CENPC: variants seen among roughly 807,000 people sequenced by gnomAD.
CENPC encodes CENP-C 1.
In CENPC, 63 loss-of-function variants were observed where a neutral mutation model predicts 112.1. That is an observed-to-expected ratio of 0.56 (90% CI 0.46 to 0.69). The LOEUF is 0.69. Ranked by LOEUF, CENPC falls within the 30% of genes least tolerant of loss-of-function variation. The pLI, the probability that CENPC is intolerant of heterozygous loss-of-function variation, is 0.00. For missense variants in CENPC, 1,000 were observed against 1,103.8 expected (o/e 0.91, Z 1.33); for synonymous variants, 333 against 367.6 (o/e 0.91, Z 1.08).
At chr4:67,527,803 A>C (rs1280637209) in intron 5 of CENPC, among the ~76,000 whole-genome samples, 1 of 151,868 alleles carries the variant, frequency 6.6e-6, no homozygotes, top group African/African-American at 2.4e-5. Flanking sequence ...GCTTGGACCC[A>C]TCACTGTTAT....
intron 4 of CENPC, among the ~76,000 whole-genome samples, chr4:67,537,007 C>T (rs972275341): frequency 6.9e-6 from 1 of 145,042 alleles, no homozygotes; most frequent in Admixed American, 7.0e-5. Context: ...GGGCAACATA[C>T]CAAGATCCCT....
intron 5 of CENPC, among the ~76,000 whole-genome samples, chr4:67,526,174 G>A (rs1330675187): frequency 6.6e-6 from 1 of 151,950 alleles, no homozygotes; most frequent in Admixed American, 6.6e-5. Flanking sequence ...GGTGGGGGGA[G>A]GGAGGAAAGG....
rs76090768 is a variant in CENPC, at chr4:67,539,232, G to T, written c.231+608C>A. ...TCTCAATTCTGAAAGAAATGGTTTT[G>T]TCTGCATTGCTTGGAACCAAAAGGC... is the stretch of plus-strand genomic sequence containing the variant. On this transcript the variant is annotated intron_variant, in intron 4 of 18. Transcript: ENST00000273853. Among the ~76,000 whole-genome samples the T allele has an allele frequency of 7.8e-4, 119 of 152,278 alleles. No homozygotes were observed. The East Asian group carries it at 0.022, about 28-fold the overall frequency.
At chr4:67,520,521 A>G (rs1726193667) in intron 5 of CENPC, among the ~76,000 whole-genome samples, 1 of 152,084 alleles carries the variant, frequency 6.6e-6, no homozygotes, top group Non-Finnish European at 1.5e-5. Flanking sequence ...CCAATGATAT[A>G]AGGAAACCCA....
At chr4:67,490,292 G>A (rs1725204849) in intron 16 of CENPC, among the ~76,000 whole-genome samples, 171 bp from the exon 17 acceptor site, 1 of 152,128 alleles carries the variant, frequency 6.6e-6, no homozygotes, top group Non-Finnish European at 1.5e-5. Context: ...TCCTGTCTCT[G>A]TCTTAAAAGC....
In CENPC at chr4:67,540,830, G is replaced by C. The variant is rs981561193; in HGVS notation, c.136+150C>G. 6.3e-6 allele frequency: 4 copies of C among 637,298 alleles called. No homozygotes were observed. In the Admixed American group the frequency reaches 1.2e-4, roughly 20 times the overall value. The allele number at this position is 637,298 out of a possible 1,614,324, so 39.5% of individuals were successfully genotyped here. A position where few individuals can be genotyped will look rare whatever the true frequency, so the allele number is the denominator to read the frequency against. On this transcript the variant is annotated intron_variant, in intron 3 of 18. Coordinates refer to ENST00000273853, the MANE Select transcript of CENPC (RefSeq NM_001812.4). ...CTAAGTATACCAGAAGGTACACAAAGGATTGCATATGAACTCAAAATACCA... is the reference window on the plus strand; with the variant it reads ...CTAAGTATACCAGAAGGTACACAAACGATTGCATATGAACTCAAAATACCA...
At chr4:67,491,525 A>AGAGCGAGCGAGC (rs1438959933) in intron 16 of CENPC, among the ~76,000 whole-genome samples, 1 of 130,044 alleles carries the variant, frequency 7.7e-6, no homozygotes, top group African/African-American at 2.9e-5. Context: ...AGAGAGAGAG[A>AGAGCGAGCGAGC]GAGCCTGGTT....
intron 5 of CENPC, among the ~76,000 whole-genome samples, chr4:67,530,378 C>A (rs1726510564): frequency 6.6e-6 from 1 of 151,046 alleles, no homozygotes; most frequent in Non-Finnish European, 1.5e-5. Context: ...ATTATAATAG[C>A]CTTTTCTGAA....
At chr4:67,503,971 A>G (rs1725664170) in intron 12 of CENPC, among the ~76,000 whole-genome samples, 1 of 152,056 alleles carries the variant, frequency 6.6e-6, no homozygotes, top group African/African-American at 2.4e-5. Flanking sequence ...ATTCATCTTT[A>G]TATCAGCTTA....
intron 4 of CENPC, among the ~76,000 whole-genome samples, chr4:67,534,862 G>A (rs942273148): frequency 4.5e-4 from 69 of 152,152 alleles, no homozygotes; most frequent in African/African-American, 1.5e-3. Context: ...TGAAAAAGGC[G>A]AGGTAATGAG....
Position 67,504,092 on chromosome 4 carries a change from C to CAAAAAA in CENPC, c.2131+1107_2131+1112dup, listed in dbSNP as rs33925641. On this transcript the variant is annotated intron_variant, in intron 12 of 18. Transcript: ENST00000273853. ...GCTTCCCGATCAGTGGTGAATGGGG[C>CAAAAAA]AAAAAAAAAAAAAAAAAAGAACGTA... Among the ~76,000 whole-genome samples the CAAAAAA allele has an allele frequency of 1.2e-4, 14 of 114,060 alleles. 2 individuals are homozygous for CAAAAAA. The highest frequency in any genetic ancestry group is 1.2e-4 in the Non-Finnish European group (7 of 56,268). 74.8% of individuals were successfully genotyped at this position (114,060 alleles called of 152,430 possible).
In CENPC at chr4:67,519,642, C is replaced by T. The variant is rs185941315; in HGVS notation, c.332-140G>A. 4.7e-3 allele frequency: 3,021 copies of T among 638,924 alleles called. 32 individuals are homozygous for T. Among genetic ancestry groups the T allele is most frequent in the Non-Finnish European group, 4.2e-3 (1,695 of 400,704 alleles). 39.6% of individuals were successfully genotyped at this position (638,924 alleles called of 1,614,324 possible). A position where few individuals can be genotyped will look rare whatever the true frequency, so the allele number is the denominator to read the frequency against. On this transcript the variant is annotated intron_variant, in intron 5 of 18. Transcript: ENST00000273853. ...AGTCATTAAGATTAGAATCAAAGAT[C>T]TATGATTAAAATAAGTAAGTACTTA...
intron 2 of CENPC, among the ~76,000 whole-genome samples, chr4:67,541,727 T>C (rs1480248626): frequency 2.0e-5 from 3 of 152,168 alleles, no homozygotes; most frequent in Admixed American, 2.0e-4. Flanking sequence ...ATATACAAAA[T>C]GTATCACATC....
chr4:67,481,075 GA>G (rs1303834272), intron 17 of CENPC, among the ~76,000 whole-genome samples: 1 of 152,282 alleles, frequency 6.6e-6, no homozygotes, highest in Admixed American at 6.5e-5. Context: ...TCCTAGATCT[GA>G]TAAGTGAATT....
At chr4:67,509,235 C>T (rs928493957) in intron 9 of CENPC, 130 bp from the exon 10 acceptor site, 6 of 600,026 alleles carry the variant, frequency 1.0e-5, no homozygotes, top group Non-Finnish European at 1.8e-5. Flanking sequence ...CACACACACA[C>T]ACACACACAC....
chr4:67,523,272 C>T (rs1726281383), intron 5 of CENPC, among the ~76,000 whole-genome samples: 1 of 150,642 alleles, frequency 6.6e-6, no homozygotes, highest in African/African-American at 2.5e-5. Flanking sequence ...GAGATCACGC[C>T]ACTGCATTTC....
chr4:67,526,958 C>G (rs577831342), intron 5 of CENPC, among the ~76,000 whole-genome samples: 2 of 152,136 alleles, frequency 1.3e-5, no homozygotes, highest in African/African-American at 2.4e-5. Context: ...ATAAAGGAAT[C>G]AAGATCAGAA....
intron 7 of CENPC, among the ~76,000 whole-genome samples, 177 bp from the exon 8 acceptor site, chr4:67,514,864 C>G (rs1385199616): frequency 6.6e-6 from 1 of 151,728 alleles, no homozygotes; most frequent in Non-Finnish European, 1.5e-5. Flanking sequence ...GTCTGTTCAC[C>G]CTTATTTATA....
At chr4:67,495,089 GTTATAT>G in intron 13 of CENPC, 64 bp downstream of exon 13, 2 of 1,326,186 alleles carry the variant, frequency 1.5e-6, no homozygotes, top group Non-Finnish European at 2.0e-6. Context: ...GAAGAAATAA[GTTATAT>G]TTAGAAACAG....
Sources: allele counts gnomAD v4.1 joint callset (sites outside exome capture counted in the v4.1 genomes callset), GRCh38; gene constraint gnomAD v4.1.1; transcripts MANE v1.5; gene names NCBI Gene and HGNC (gene_info 2026-07-23, HGNC 2026-07-21).